SLC14A2: variants seen among roughly 807,000 people sequenced by gnomAD.
SLC14A2 encodes the protein solute carrier family 14 member 2.
A neutral mutation model predicts 104.6 loss-of-function variants in SLC14A2; 91 were observed. That is an observed-to-expected ratio of 0.87 (90% CI 0.73 to 1.04). SLC14A2 has a LOEUF of 1.04. Ranked by LOEUF, SLC14A2 falls within the 50% of genes least tolerant of loss-of-function variation. The probability of loss-of-function intolerance (pLI) is 0.00; values close to 1 mark genes in which losing one functional copy is unlikely to be tolerated. For missense variants in SLC14A2, 1,189 were observed against 1,156.0 expected (o/e 1.03, Z -0.41); for synonymous variants, 476 against 466.4 (o/e 1.02, Z -0.27).
intron 4 of SLC14A2, among the ~76,000 whole-genome samples, chr18:45,628,126 T>C (rs1432186603): frequency 6.6e-6 from 1 of 152,038 alleles, no homozygotes; most frequent in Non-Finnish European, 1.5e-5. Context: ...TTCCTGATGG[T>C]CAGAATCACT....
At chr18:45,397,814 G>A (rs2086052227) in intron 1 of SLC14A2, among the ~76,000 whole-genome samples, 1 of 151,994 alleles carries the variant, frequency 6.6e-6, no homozygotes, top group Non-Finnish European at 1.5e-5. Context: ...CCACATTAGA[G>A]ATAACAATAG....
At chr18:45,217,232 A>C (rs2084018663) in intron 1 of SLC14A2, among the ~76,000 whole-genome samples, 1 of 148,590 alleles carries the variant, frequency 6.7e-6, no homozygotes, top group South Asian at 2.1e-4. Context: ...TTTTATATAT[A>C]AGCCAAGTTA....
the SLC14A2 span, among the ~76,000 whole-genome samples, chr18:45,184,373 A>G: frequency 2.0e-5 from 3 of 152,236 alleles, no homozygotes; most frequent in East Asian, 5.8e-4. Context: ...TCTTGCTCTG[A>G]AACATAGCTT....
At chr18:45,293,377 A>T (rs1360715005) in intron 1 of SLC14A2, among the ~76,000 whole-genome samples, 2 of 152,316 alleles carry the variant, frequency 1.3e-5, no homozygotes, top group East Asian at 3.9e-4. Context: ...TGTAATGGAC[A>T]CAACACTTGT....
At chr18:45,391,987 A>C (rs567309803) in intron 1 of SLC14A2, among the ~76,000 whole-genome samples, 3 of 152,320 alleles carry the variant, frequency 2.0e-5, no homozygotes, top group East Asian at 1.9e-4. Context: ...TATTTTAGAC[A>C]TGAAGTCCTT....
chr18:45,347,008 T>TAAATAAAC (rs1423862466), intron 1 of SLC14A2, among the ~76,000 whole-genome samples: 17 of 126,078 alleles, frequency 1.3e-4, no homozygotes, highest in African/African-American at 5.2e-4. Context: ...AATAAATAAA[T>TAAATAAAC]AAACAAACAA....
chr18:45,284,775 G>A (rs1215691129), intron 1 of SLC14A2, among the ~76,000 whole-genome samples: 1 of 152,178 alleles, frequency 6.6e-6, no homozygotes, highest in Non-Finnish European at 1.5e-5. Flanking sequence ...GGGTCTGGGG[G>A]CTGAAAGAAT....
intron 1 of SLC14A2, among the ~76,000 whole-genome samples, chr18:45,380,822 C>T (rs1258128454): frequency 6.6e-6 from 1 of 152,162 alleles, no homozygotes; most frequent in African/African-American, 2.4e-5. Context: ...TTTTCTCTTT[C>T]TCAAAAATCT....
chr18:45,634,760 G>C (rs2045392574), intron 5 of SLC14A2: 1 of 454,456 alleles, frequency 2.2e-6, no homozygotes, highest in Non-Finnish European at 4.4e-6. Flanking sequence ...AGCAGTTAGA[G>C]AGTTTTAGGC....
At chr18:45,336,172 A>C (rs2144270989) in intron 1 of SLC14A2, among the ~76,000 whole-genome samples, 1 of 152,308 alleles carries the variant, frequency 6.6e-6, no homozygotes, top group South Asian at 2.1e-4. Flanking sequence ...AGCAAAGGAG[A>C]TGCAACATGT....
At chr18:45,323,607 G>A (rs2085205953) in intron 1 of SLC14A2, among the ~76,000 whole-genome samples, 2 of 152,108 alleles carry the variant, frequency 1.3e-5, no homozygotes, top group Non-Finnish European at 2.9e-5. Context: ...TGCCGTTTTT[G>A]TAGTTCAAAA....
At chr18:45,458,734 T>G (rs1034700199) in intron 1 of SLC14A2, among the ~76,000 whole-genome samples, 1 of 152,132 alleles carries the variant, frequency 6.6e-6, no homozygotes, top group African/African-American at 2.4e-5. Context: ...CAAGGGCAAT[T>G]TTACTAGCCA....
chr18:45,180,590 C>T, the SLC14A2 span, among the ~76,000 whole-genome samples: 22 of 152,222 alleles, frequency 1.4e-4, no homozygotes, highest in East Asian at 3.7e-3. Flanking sequence ...GATTTATTAA[C>T]AGACTTTGTA....
intron 1 of SLC14A2, among the ~76,000 whole-genome samples, chr18:45,269,470 C>T (rs976617941): frequency 6.6e-6 from 1 of 151,890 alleles, no homozygotes; most frequent in Non-Finnish European, 1.5e-5. Flanking sequence ...TCCCATATGA[C>T]GTCTTACCAC....
intron 5 of SLC14A2, among the ~76,000 whole-genome samples, chr18:45,636,050 G>A (rs2144538776): frequency 6.6e-6 from 1 of 152,334 alleles, no homozygotes; most frequent in Non-Finnish European, 1.5e-5. Flanking sequence ...GTTGGCGGAG[G>A]CTAAAGGGAA....
intron 1 of SLC14A2, among the ~76,000 whole-genome samples, chr18:45,413,989 A>G (rs1369337928): frequency 1.3e-5 from 2 of 152,234 alleles, no homozygotes; most frequent in African/African-American, 4.8e-5. Context: ...TCTATATTTG[A>G]AGAATGAGAC....
chr18:45,454,370 T>G (rs2086907126), intron 1 of SLC14A2, among the ~76,000 whole-genome samples: 1 of 152,196 alleles, frequency 6.6e-6, no homozygotes. Context: ...TTCTTGTAAA[T>G]TTGTTTAAGT....
intron 1 of SLC14A2, among the ~76,000 whole-genome samples, chr18:45,270,514 C>T (rs1366802963): frequency 6.6e-6 from 1 of 152,006 alleles, no homozygotes; most frequent in Non-Finnish European, 1.5e-5. Context: ...ATTTTATAGA[C>T]CAAGTCTGAG....
chr18:45,309,686 T>A (rs948083329), intron 1 of SLC14A2, among the ~76,000 whole-genome samples: 2 of 152,188 alleles, frequency 1.3e-5, no homozygotes, highest in Non-Finnish European at 2.9e-5. Flanking sequence ...TTAAAAAAAA[T>A]TGGTTTTGTT....
Sources: gnomAD v4.1 joint callset for allele counts (sites outside exome capture counted in the v4.1 genomes callset) on GRCh38, gnomAD v4.1.1 for gene constraint, MANE v1.5 for transcripts, NCBI Gene and HGNC (gene_info 2026-07-23, HGNC 2026-07-21) for gene names.